Variants in SDR16C5 observed in about 807,000 individuals in gnomAD.
The protein encoded by SDR16C5 is short chain dehydrogenase/reductase family 16C member 5, also known as epidermal retinol dehydrogenase 2.
Under a neutral mutation model 27.7 loss-of-function variants are expected in SDR16C5, and 20 were observed. The ratio of observed to expected loss-of-function variants is 0.72; its 90% CI spans 0.51 to 1.05. SDR16C5 has a LOEUF of 1.05. SDR16C5 is among the 50% of genes least tolerant of loss of function. The probability of loss-of-function intolerance (pLI) is 0.00; values close to 1 mark genes in which losing one functional copy is unlikely to be tolerated. For missense variants in SDR16C5, 374 were observed against 366.3 expected, an observed-to-expected ratio of 1.02 and a Z score of -0.17; for synonymous variants, 139 against 132.3, an observed-to-expected ratio of 1.05 and a Z score of -0.35.
In SDR16C5 at chr8:56,305,603, A is replaced by G. The variant is rs775772909; in HGVS notation, c.830T>C (p.Leu277Pro). ...TAGAAGCTGATGTAATTACCTTTTA[A>G]GAAACATCATGAAGTATAACAACTT... ...MPKLLYFMMF[L>P]KSFLPLKTGL... Residue 277 changes from leucine to proline, a missense_variant, in exon 6 of 7, where the codon CTT becomes CCT. By Grantham distance (98) the Leu-to-Pro change is moderately conservative. Transcript: ENST00000303749. The G allele has an allele frequency of 6.3e-7, 1 of 1,583,312 alleles. No individual in the cohort carries two copies. Among genetic ancestry groups the G allele is most frequent in the Non-Finnish European group, 8.5e-7 (1 of 1,171,204 alleles).
At chr8:56,319,256 A>G (rs1404148195) in intron 1 of SDR16C5, among the ~76,000 whole-genome samples, 1 of 152,098 alleles carries the variant, frequency 6.6e-6, no homozygotes, top group African/African-American at 2.4e-5. Flanking sequence ...TCTGCTCCTC[A>G]ATCCCCATAA....
chr8:56,304,503 T>C (rs763909265), intron 6 of SDR16C5, among the ~76,000 whole-genome samples: 16 of 151,728 alleles, frequency 1.1e-4, no homozygotes, highest in Non-Finnish European at 1.9e-4. Flanking sequence ...TGAAACTCCA[T>C]GGAGAGCAGG....
intron 4 of SDR16C5, among the ~76,000 whole-genome samples, chr8:56,307,142 T>A (rs1464987950): frequency 6.6e-6 from 1 of 152,222 alleles, no homozygotes; most frequent in Non-Finnish European, 1.5e-5. Flanking sequence ...ACATGGTGCC[T>A]TGTCTCAAAA....
In SDR16C5 at chr8:56,312,162, A is replaced by G; in HGVS notation, c.460T>C (p.Leu154=). ...TGAGAAGAAACAATTATTACCCATAAATGTGCTTTGAAATTCACATCAAAT... is the reference window on the plus strand; with the variant it reads ...TGAGAAGAAACAATTATTACCCATAGATGTGCTTTGAAATTCACATCAAAT... ...KSFDVNFKAH[L]WTYKAFLPAM... Residue 154 remains leucine, a synonymous_variant, in exon 3 of 7, where the codon TTA becomes CTA. Transcript: ENST00000303749. 1 of 1,611,762 alleles carries G rather than the reference A, an allele frequency of 6.2e-7. No homozygotes were observed. Among genetic ancestry groups the G allele is most frequent in the Non-Finnish European group, 8.5e-7 (1 of 1,178,006 alleles).
chr8:56,305,633 A>G lies in SDR16C5; in HGVS notation c.800T>C (p.Met267Thr), dbSNP rs761338381. 13 of 1,596,562 alleles carry G rather than the reference A, an allele frequency of 8.1e-6. No homozygotes were observed. In the Admixed American group the frequency reaches 2.3e-4, roughly 29 times the overall value. The change falls in exon 6 of 7, where the codon ATG (methionine) becomes ACG (threonine). Residue 267 changes from methionine to threonine, a missense_variant. Coordinates refer to ENST00000303749, the MANE Select transcript of SDR16C5 (RefSeq NM_138969.4). The part of the protein sequence containing the change: ...AILQEKMYLY[M>T]PKLLYFMMFL... ...CATCATGAAGTATAACAACTTTGGCATATACAAGTACATTTTTTCTTGTAG... is the reference window on the plus strand; with the variant it reads ...CATCATGAAGTATAACAACTTTGGCGTATACAAGTACATTTTTTCTTGTAG...
intron 6 of SDR16C5, 71 bp downstream of exon 6, chr8:56,305,526 T>C: frequency 7.5e-7 from 1 of 1,341,056 alleles, no homozygotes; most frequent in South Asian, 1.5e-5. Flanking sequence ...TTAAAGTGGC[T>C]TCTCCTGGTG....
At chr8:56,303,824 CA>C (rs2129256790) in intron 6 of SDR16C5, 1 of 609,288 alleles carries the variant, frequency 1.6e-6, no homozygotes, top group East Asian at 2.8e-5. Context: ...ATCTATTAAG[CA>C]AAAAGAACTT....
intron 1 of SDR16C5, among the ~76,000 whole-genome samples, chr8:56,317,982 T>C (rs952700771): frequency 1.2e-4 from 19 of 152,098 alleles, no homozygotes; most frequent in Non-Finnish European, 2.8e-4. Context: ...TTATAAGCCA[T>C]AGTGTTATAA....
rs1213136297 is a variant in SDR16C5 at position 56,300,716 on chromosome 8, A to G, written c.*764T>C. 1.3e-5 allele frequency: 2 copies of G among 152,258 alleles called. No individual in the cohort carries two copies. The highest frequency in any genetic ancestry group is 2.9e-5 in the Non-Finnish European group (2 of 68,040). 9.4% of individuals were successfully genotyped at this position (152,258 alleles called of 1,614,324 possible). A position where few individuals can be genotyped will look rare whatever the true frequency, so the allele number is the denominator to read the frequency against. ...TATATTTTTTGGATCAATAGATAGC[A>G]AAAAACCTAACTTGGTATAATTTCA... On this transcript the variant is annotated 3_prime_UTR_variant, in exon 7 of 7. Transcript: ENST00000303749.
At chr8:56,310,147 GGAGGAAGGAGGAGGAGGAGGGA>G (rs1814993804) in intron 3 of SDR16C5, among the ~76,000 whole-genome samples, 4 of 46,388 alleles carry the variant, frequency 8.6e-5, no homozygotes, top group Admixed American at 5.3e-4. Flanking sequence ...AGGAGGAGGA[GGAGGAAGGAGGAGGAGGAGGGA>G]GGAGGAGGAG....
At chr8:56,314,400 C>CAG (rs1815134693) in intron 2 of SDR16C5, among the ~76,000 whole-genome samples, 1 of 152,130 alleles carries the variant, frequency 6.6e-6, no homozygotes, top group South Asian at 2.1e-4. Flanking sequence ...TGAAGTCAAG[C>CAG]ACCTGGGGCA....
At chr8:56,302,672 C>CA (rs36094743) in intron 6 of SDR16C5, among the ~76,000 whole-genome samples, 23,580 of 108,910 alleles carry the variant, frequency 0.22, 2,510 homozygotes, top group African/African-American at 0.26. Context: ...GAGTCCATCT[C>CA]AAAAAAAAAA....
At chr8:56,315,952 G>T in intron 2 of SDR16C5, 63 bp downstream of exon 2, 1 of 1,145,638 alleles carries the variant, frequency 8.7e-7, no homozygotes, top group Non-Finnish European at 1.3e-6. Flanking sequence ...TAGGCACTGA[G>T]AAAGGCAAGT....
At chr8:56,309,796 C>G (rs1814977563) in intron 3 of SDR16C5, among the ~76,000 whole-genome samples, 1 of 152,090 alleles carries the variant, frequency 6.6e-6, no homozygotes, top group African/African-American at 2.4e-5. Context: ...CAAAAGGAAG[C>G]AGTGCAGCAA....
chr8:56,305,644 C>A lies in SDR16C5; in HGVS notation c.789G>T (p.Met263Ile), dbSNP rs764688796. 1 of 1,596,606 alleles carries A rather than the reference C, an allele frequency of 6.3e-7. No individual in the cohort carries two copies. Among genetic ancestry groups the A allele is most frequent in the Non-Finnish European group, 8.5e-7 (1 of 1,174,494 alleles). The change falls in exon 6 of 7, where the codon ATG becomes ATT. Residue 263 changes from methionine to isoleucine, a missense_variant. Coordinates refer to ENST00000303749, the MANE Select transcript of SDR16C5 (RefSeq NM_138969.4). ...KIVEAILQEK[M>I]YLYMPKLLYF... ...ATAACAACTTTGGCATATACAAGTACATTTTTTCTTGTAGAATAGCTTCTA... is the reference window on the plus strand; with the variant it reads ...ATAACAACTTTGGCATATACAAGTAAATTTTTTCTTGTAGAATAGCTTCTA...
intron 2 of SDR16C5, among the ~76,000 whole-genome samples, chr8:56,313,925 T>C (rs1815117183): frequency 6.6e-6 from 1 of 152,088 alleles, no homozygotes; most frequent in Non-Finnish European, 1.5e-5. Context: ...CTCTCTGGTA[T>C]TGGCCGGGCG....
At chr8:56,306,557 T>C in intron 5 of SDR16C5, 119 bp downstream of exon 5, 2 of 953,912 alleles carry the variant, frequency 2.1e-6, no homozygotes, top group Non-Finnish European at 3.0e-6. Context: ...CTAAAACCAT[T>C]TATAAATCAT....
At chr8:56,304,547 T>C (rs534072279) in intron 6 of SDR16C5, among the ~76,000 whole-genome samples, 1 of 152,244 alleles carries the variant, frequency 6.6e-6, no homozygotes, top group Non-Finnish European at 1.5e-5. Flanking sequence ...TGCACTTTTT[T>C]TTTTTTTGAG....
intron 5 of SDR16C5, among the ~76,000 whole-genome samples, 175 bp downstream of exon 5, chr8:56,306,501 C>T (rs933451631): frequency 6.6e-6 from 1 of 152,062 alleles, no homozygotes; most frequent in Non-Finnish European, 1.5e-5. Flanking sequence ...CATTCCCATT[C>T]AACTTGGTAT....
Sources: gnomAD v4.1 joint callset for allele counts (sites outside exome capture counted in the v4.1 genomes callset) on GRCh38, gnomAD v4.1.1 for gene constraint, MANE v1.5 for transcripts, NCBI Gene and HGNC (gene_info 2026-07-23, HGNC 2026-07-21) for gene names.